MCF2L: variants seen among roughly 807,000 people sequenced by gnomAD.
The protein encoded by MCF2L is guanine nucleotide exchange factor DBS.
MCF2L carries 97 observed loss-of-function variants against 153.4 expected under a neutral mutation model. That is an observed-to-expected ratio of 0.63 (90% CI 0.54 to 0.75). MCF2L has a LOEUF of 0.75. Ranked by LOEUF, MCF2L falls within the 30% of genes least tolerant of loss-of-function variation. The pLI, the probability that MCF2L is intolerant of heterozygous loss-of-function variation, is 0.00. For synonymous variants in MCF2L, 659 were observed against 632.2 expected, an observed-to-expected ratio of 1.04 and a Z score of -0.64; for missense variants, 1,347 against 1,495.2, an observed-to-expected ratio of 0.90 and a Z score of 1.64.
At chr13:113,096,340 GCTGT>G (rs1566892705) in intron 27 of MCF2L, 27 bp from the exon 28 acceptor site, 1 of 1,495,014 alleles carries the variant, frequency 6.7e-7, no homozygotes. Flanking sequence ...GGGTGCTGAC[GCTGT>G]CTGTGCCCCT....
intron 3 of MCF2L, chr13:113,026,960 G>A: frequency 1.3e-6 from 1 of 778,238 alleles, no homozygotes. Context: ...GCTCGTCCCA[G>A]CCTCCAGGAA....
chr13:113,003,713 G>A (rs183974955), intron 1 of MCF2L, among the ~76,000 whole-genome samples: 3 of 152,170 alleles, frequency 2.0e-5, no homozygotes, highest in African/African-American at 4.8e-5. Context: ...AGTGTCTCAC[G>A]TCCTCTTAGG....
At chr13:113,023,690 A>G (rs2085049198) in intron 2 of MCF2L, among the ~76,000 whole-genome samples, 1 of 152,224 alleles carries the variant, frequency 6.6e-6, no homozygotes, top group Non-Finnish European at 1.5e-5. Context: ...TTAGTGGCTC[A>G]GAAGTTCCAA....
At chr13:113,089,533 C>T in intron 25 of MCF2L, 77 bp from the exon 26 acceptor site, 1 of 899,616 alleles carries the variant, frequency 1.1e-6, no homozygotes, top group East Asian at 2.4e-5. Flanking sequence ...TATCTGAATG[C>T]CTCAGGTCCT....
At chr13:112,911,221 C>T (rs2081228322) in intron 2 of MCF2L, among the ~76,000 whole-genome samples, 1 of 152,232 alleles carries the variant, frequency 6.6e-6, no homozygotes, top group South Asian at 2.1e-4. Flanking sequence ...CTCCAGAAGA[C>T]CCAGAGGCTG....
chr13:112,986,875 T>G (rs2082666994), intron 1 of MCF2L, among the ~76,000 whole-genome samples: 1 of 152,256 alleles, frequency 6.6e-6, no homozygotes, highest in Admixed American at 6.5e-5. Flanking sequence ...TAGGGTTCTC[T>G]CAGGACTGTG....
chr13:112,900,502 G>A (rs943017689), intron 1 of MCF2L, among the ~76,000 whole-genome samples: 2 of 152,262 alleles, frequency 1.3e-5, no homozygotes, highest in African/African-American at 4.8e-5. Flanking sequence ...AACAGTAGCA[G>A]CAAAGGGATG....
chr13:113,096,492 C>T lies in MCF2L; in HGVS notation c.3188+9C>T, dbSNP rs369380317. 6.1e-5 allele frequency: 96 copies of T among 1,583,292 alleles called. 1 individual carries two copies. In the Middle Eastern group the frequency reaches 6.9e-4, roughly 11 times the overall value. On this transcript the variant is annotated intron_variant, in intron 28 of 29. Coordinates refer to ENST00000535094, the MANE Select transcript of MCF2L (RefSeq NM_001112732.3). ...GGCGACGAGGGCCTCTGGTAAGACCCCGCGCTCAGCCCCGGACTGCCCCGC... is the reference window on the plus strand; with the variant it reads ...GGCGACGAGGGCCTCTGGTAAGACCTCGCGCTCAGCCCCGGACTGCCCCGC...
At chr13:112,899,167 GGCTGGGCCGAGTTCTAGCC>G (rs1373939120) in intron 1 of MCF2L, among the ~76,000 whole-genome samples, 1 of 152,260 alleles carries the variant, frequency 6.6e-6, no homozygotes, top group Non-Finnish European at 1.5e-5. Context: ...GCTTCCGTGG[GGCTGGGCCGAGTTCTAGCC>G]GCCTGTGACC....
intron 2 of MCF2L, among the ~76,000 whole-genome samples, chr13:112,906,966 A>G (rs2081179146): frequency 6.6e-6 from 1 of 152,218 alleles, no homozygotes; most frequent in Non-Finnish European, 1.5e-5. Flanking sequence ...GTGGAAGACA[A>G]TCCCTGACTT....
Position 112,932,799 on chromosome 13 carries a change from C to T in MCF2L, c.169+30428C>T, listed in dbSNP as rs923687092. Reference sequence around the variant, plus strand: ...TAATCCCAGCACTTTGGGAGGTCAACGCGGGTGGATCATCTGAGGTCAGGA... The same window carrying T: ...TAATCCCAGCACTTTGGGAGGTCAATGCGGGTGGATCATCTGAGGTCAGGA... On this transcript the variant is annotated intron_variant, in intron 2 of 29. Transcript: ENST00000375608. The surrounding 1 kb of genome is among the most constrained non-coding windows in gnomAD (Gnocchi z 4.6). Among the ~76,000 whole-genome samples, 17 of 152,014 alleles carry T rather than the reference C, an allele frequency of 1.1e-4. No homozygotes were observed. The highest frequency in any genetic ancestry group is 3.9e-4 in the African/African-American group (16 of 41,382).
In MCF2L at chr13:113,077,112, C is replaced by T; in HGVS notation, c.1561C>T (p.Gln521Ter). 6.2e-7 allele frequency: 1 copy of T among 1,612,852 alleles called. No individual in the cohort carries two copies. The highest frequency in any genetic ancestry group is 8.5e-7 in the Non-Finnish European group (1 of 1,179,850). The change falls in exon 13 of 30, where the codon CAG (glutamine) becomes TAG (stop). Residue 521 changes from glutamine (Q) to a stop codon, truncating the protein, a stop_gained. Coordinates refer to ENST00000535094, the MANE Select transcript of MCF2L (RefSeq NM_001112732.3). LOFTEE classifies it high-confidence loss of function. ...CATGGAGGAGGTGTTCCACCGCAGG[C>T]AGGCCAGCCTGAAGAAGCTGGCGGC... is the stretch of plus-strand genomic sequence containing the variant. The part of the protein sequence containing the change: ...ASMEEVFHRR[Q>*]ASLKKLAARQ...
In MCF2L at chr13:113,045,460, T is replaced by TCCCACTCAGCACAAA; in HGVS notation, c.369+99_369+100insCCCACTCAGCACAAA. 2 of 1,096,818 alleles carry TCCCACTCAGCACAAA rather than the reference T, an allele frequency of 1.8e-6. No homozygotes were observed. Among genetic ancestry groups the TCCCACTCAGCACAAA allele is most frequent in the Non-Finnish European group, 2.7e-6 (2 of 730,394 alleles). The allele number at this position is 1,096,818 out of a possible 1,614,324, so 67.9% of individuals were successfully genotyped here. ...TGTGTCTGCCGCAGTTCCTGCTTTGTGCTGAGTGGGACAGAGCCCAGTCCC... is the reference window on the plus strand; with the variant it reads ...TGTGTCTGCCGCAGTTCCTGCTTTGTCCCACTCAGCACAAAGCTGAGTGGGACAGAGCCCAGTCCC... On this transcript the variant is annotated intron_variant, in intron 4 of 29. Coordinates refer to ENST00000535094, the MANE Select transcript of MCF2L (RefSeq NM_001112732.3). This position sits in a 1 kb window ranked among gnomAD's most constrained non-coding sequence, Gnocchi z 4.2.
At position 113,063,538 on chromosome 13, in the gene MCF2L, C is replaced by T. The variant is rs141127210; in HGVS notation, c.490-766C>T. Among the ~76,000 whole-genome samples the T allele has an allele frequency of 2.1e-3, 320 of 152,290 alleles. 4 individuals carry two copies. Among genetic ancestry groups the T allele is most frequent in the Admixed American group, 0.016 (238 of 15,296 alleles). On this transcript the variant is annotated intron_variant, in intron 5 of 29. Transcript: ENST00000535094. ...AGGCGCCCCTGTCCACACAGCCACC[C>T]ACGGTGTCCAGGGTTTGGATAAAAT... is the stretch of plus-strand genomic sequence containing the variant.
intron 2 of MCF2L, among the ~76,000 whole-genome samples, chr13:112,954,161 C>T (rs1273209980): frequency 1.3e-5 from 2 of 152,158 alleles, no homozygotes; most frequent in Non-Finnish European, 2.9e-5. Flanking sequence ...GGGAGGTGGC[C>T]TGGAGCCTGG....
Position 113,098,155 on chromosome 13 carries a change from A to G in MCF2L, c.*1296A>G, listed in dbSNP as rs1476817164. 1.3e-5 allele frequency: 2 copies of G among 152,542 alleles called. No homozygotes were observed. Among genetic ancestry groups the G allele is most frequent in the Non-Finnish European group, 2.9e-5 (2 of 68,064 alleles). 9.4% of individuals were successfully genotyped at this position (152,542 alleles called of 1,614,324 possible). On this transcript the variant is annotated 3_prime_UTR_variant, in exon 30 of 30. Transcript: ENST00000535094. ...CGTGCTGCTGGGAGGGCCGCCTCAC[A>G]GCCTCACGGTTCCCAGCCCCAGCAC...
At chr13:112,944,321 G>A (rs1389916823) in intron 2 of MCF2L, among the ~76,000 whole-genome samples, 1 of 152,086 alleles carries the variant, frequency 6.6e-6, no homozygotes, top group Non-Finnish European at 1.5e-5. Context: ...CTCTGGCCCC[G>A]TCATGAGTGG....
rs745778759 is a variant in MCF2L, at chr13:113,024,669, G to A, written c.189G>A (p.Pro63=). 1.9e-5 allele frequency: 30 copies of A among 1,614,086 alleles called. No homozygotes were observed. The highest frequency in any genetic ancestry group is 4.5e-5 in the East Asian group (2 of 44,882). The part of the protein sequence containing the change: ...LSGGRGQDGS[P]VITFPDYPAF... ...GTGGGCGGGGGCAGGACGGAAGCCC[G>A]GTTATCACCTTCCCTGACTACCCGG... Residue 63 remains proline, a synonymous_variant, in exon 3 of 30, where the codon CCG becomes CCA. Coordinates refer to ENST00000535094, the MANE Select transcript of MCF2L (RefSeq NM_001112732.3).
chr13:112,901,351 G>A (rs111611443), intron 1 of MCF2L, among the ~76,000 whole-genome samples: 5 of 152,204 alleles, frequency 3.3e-5, no homozygotes, highest in East Asian at 3.9e-4. Context: ...ACGGGGTTTC[G>A]GCATGTTGGC....
Sources: allele counts gnomAD v4.1 joint callset (sites outside exome capture counted in the v4.1 genomes callset), GRCh38; gene constraint gnomAD v4.1.1; non-coding constraint Gnocchi (gnomAD v3.1); transcripts MANE v1.5; gene names NCBI Gene and HGNC (gene_info 2026-07-23, HGNC 2026-07-21).